The following USP15 variants were observed in gnomAD, a reference collection of about 807,000 sequenced individuals.
USP15 encodes the protein ubiquitin carboxyl-terminal hydrolase 15.
Under a neutral mutation model 127.1 loss-of-function variants are expected in USP15, and 18 were observed. The ratio of observed to expected loss-of-function variants is 0.14; its 90% CI spans 0.10 to 0.21. USP15 has a LOEUF of 0.21. Ranked by LOEUF, USP15 falls within the 10% of genes least tolerant of loss-of-function variation. USP15 has a pLI of 1.00. For missense variants in USP15, 805 were observed against 1,159.9 expected (o/e 0.69, Z 4.44); for synonymous variants, 364 against 393.7 (o/e 0.92, Z 0.89).
intron 7 of USP15, among the ~76,000 whole-genome samples, 197 bp downstream of exon 7, chr12:62,349,504 T>A (rs924872335): frequency 2.0e-5 from 3 of 152,034 alleles, no homozygotes; most frequent in African/African-American, 7.2e-5. Context: ...ATACATATAC[T>A]GAAAGAAATA....
In USP15 at chr12:62,410,628, C is replaced by T. The variant is rs1308280109; in HGVS notation, c.*6253C>T. 6.6e-6 allele frequency: 1 copy of T among 152,118 alleles called. No individual in the cohort carries two copies. The highest frequency in any genetic ancestry group is 1.5e-5 in the Non-Finnish European group (1 of 68,018). The allele number at this position is 152,118 out of a possible 1,614,324, so 9.4% of individuals were successfully genotyped here. ...GAGATATGGTAGGAAACATTCTACA[C>T]TTACAACAACTTCCACCATAGCTAG... is the stretch of plus-strand genomic sequence containing the variant. On this transcript the variant is annotated 3_prime_UTR_variant, in exon 22 of 22. Transcript: ENST00000280377.
chr12:62,332,120 C>T lies in USP15; in HGVS notation c.683+6187C>T, dbSNP rs145389979. Among the ~76,000 whole-genome samples the T allele has an allele frequency of 9.3e-5, 14 of 151,156 alleles. No homozygotes were observed. The East Asian group carries it at 2.3e-3, about 25-fold the overall frequency. On this transcript the variant is annotated intron_variant, in intron 6 of 21. Coordinates refer to ENST00000280377, the MANE Select transcript of USP15 (RefSeq NM_001252078.2). ...TGAAGGTTGCAGTGAGCTGAGATCG[C>T]GCCAGTGCACTCCACTTTGGGTAGC...
Position 62,322,953 on chromosome 12 carries a change from C to T in USP15, c.621+1344C>T, listed in dbSNP as rs996048970. On this transcript the variant is annotated intron_variant, in intron 5 of 21. Coordinates refer to ENST00000280377, the MANE Select transcript of USP15 (RefSeq NM_001252078.2). ...CTGATGATGTAAACGTCTTTGGAGT[C>T]CCTGTATTCATCCAGCAAAAAGTCC... 2.0e-5 allele frequency among the ~76,000 whole-genome samples: 3 copies of T among 152,154 alleles called. No individual in the cohort carries two copies. In the East Asian group the frequency reaches 5.8e-4, roughly 29 times the overall value.
chr12:62,304,649 A>G (rs1230838478), intron 3 of USP15: 1 of 444,684 alleles, frequency 2.2e-6, no homozygotes, highest in Non-Finnish European at 4.5e-6. Flanking sequence ...TACCTCAAAG[A>G]TCTCTAAAAT....
intron 6 of USP15, among the ~76,000 whole-genome samples, chr12:62,341,416 T>C (rs1019586191): frequency 6.6e-6 from 1 of 152,224 alleles, no homozygotes; most frequent in Non-Finnish European, 1.5e-5. Flanking sequence ...TTTGATCCAG[T>C]CATCATGATG....
intron 17 of USP15, 74 bp downstream of exon 17, chr12:62,391,960 TTG>T: frequency 7.3e-7 from 1 of 1,364,654 alleles, no homozygotes; most frequent in Non-Finnish European, 1.0e-6. Flanking sequence ...AATCATACTG[TTG>T]TGTTACACTC....
intron 6 of USP15, among the ~76,000 whole-genome samples, chr12:62,343,866 A>AT (rs1295973075): frequency 6.6e-6 from 1 of 152,104 alleles, no homozygotes; most frequent in Admixed American, 6.5e-5. Flanking sequence ...CGAAACTGCC[A>AT]TTTTTAAAAC....
intron 17 of USP15, 60 bp downstream of exon 17, chr12:62,391,946 A>T: frequency 1.4e-6 from 2 of 1,402,092 alleles, no homozygotes; most frequent in Non-Finnish European, 2.0e-6. Flanking sequence ...TGATTACCAG[A>T]GATAATCATA....
At chr12:62,391,541 CT>C (rs1190730506) in intron 16 of USP15, 112 bp downstream of exon 16, 2 of 1,360,098 alleles carry the variant, frequency 1.5e-6, no homozygotes, top group Non-Finnish European at 2.0e-6. Flanking sequence ...ATTTACTTTT[CT>C]ATCTCAAATT....
intron 1 of USP15, among the ~76,000 whole-genome samples, chr12:62,286,309 C>T (rs745451240): frequency 2.0e-5 from 3 of 152,078 alleles, no homozygotes; most frequent in Non-Finnish European, 4.4e-5. Flanking sequence ...CAGAGAAATA[C>T]AAATCAAAAC....
chr12:62,336,817 T>G (rs2065482064), intron 6 of USP15: 1 of 152,426 alleles, frequency 6.6e-6, no homozygotes, highest in Admixed American at 6.5e-5. Context: ...TGAAGCAAAA[T>G]CAGCCTCACA....
intron 3 of USP15, chr12:62,306,163 T>C (rs1256263961): frequency 1.3e-5 from 2 of 152,162 alleles, no homozygotes; most frequent in Admixed American, 1.3e-4. Flanking sequence ...CTACACCAAA[T>C]CAACCCAGTT....
rs1235576616 is a variant in USP15 at position 62,415,963 on chromosome 12, C to G, written c.*11588C>G. ...AGCTCTCTGTTCAATACGATTCATA[C>G]TCAAGTTCTAATAAACTTTCTTTAG... On this transcript the variant is annotated 3_prime_UTR_variant, in exon 22 of 22. Transcript: ENST00000280377. 2.0e-5 allele frequency: 3 copies of G among 152,210 alleles called. No individual in the cohort carries two copies. The highest frequency in any genetic ancestry group is 7.2e-5 in the African/African-American group (3 of 41,450). The allele number at this position is 152,210 out of a possible 1,614,324, so 9.4% of individuals were successfully genotyped here. A position where few individuals can be genotyped will look rare whatever the true frequency, so the allele number is the denominator to read the frequency against.
chr12:62,349,407 A>G (rs971964590), intron 7 of USP15, 100 bp downstream of exon 7: 16 of 706,742 alleles, frequency 2.3e-5, no homozygotes, highest in South Asian at 4.5e-5. Flanking sequence ...GTCTTAATGC[A>G]TTAAAATTGG....
At chr12:62,381,299 T>G (rs567886882) in intron 8 of USP15, among the ~76,000 whole-genome samples, 191 bp from the exon 9 acceptor site, 7 of 152,066 alleles carry the variant, frequency 4.6e-5, no homozygotes, top group South Asian at 2.1e-4. Flanking sequence ...GTAATTATTT[T>G]GAAATTTGGG....
chr12:62,276,107 G>T lies in USP15; in HGVS notation c.89+15604G>T, dbSNP rs2063482961. ...ATGTAAGAATCGTGTGTAATGACCAGGTATGAGGCACCCTCATAAAATTCC... is the reference window on the plus strand; with the variant it reads ...ATGTAAGAATCGTGTGTAATGACCATGTATGAGGCACCCTCATAAAATTCC... On this transcript the variant is annotated intron_variant, in intron 1 of 21. Coordinates refer to ENST00000280377, the MANE Select transcript of USP15 (RefSeq NM_001252078.2). Among the ~76,000 whole-genome samples the T allele has an allele frequency of 2.6e-5, 4 of 152,156 alleles. No individual in the cohort carries two copies. In the South Asian group the frequency reaches 8.3e-4, roughly 32 times the overall value.
intron 6 of USP15, among the ~76,000 whole-genome samples, chr12:62,342,486 T>G (rs1178090680): frequency 2.0e-5 from 3 of 152,150 alleles, no homozygotes; most frequent in Admixed American, 1.3e-4. Context: ...AGAAGAAGCA[T>G]TCTGGCTTTT....
chr12:62,302,939 T>G lies in USP15; in HGVS notation c.348+19T>G. 6.3e-7 allele frequency: 1 copy of G among 1,598,706 alleles called. No individual in the cohort carries two copies. The highest frequency in any genetic ancestry group is 8.5e-7 in the Non-Finnish European group (1 of 1,171,944). On this transcript the variant is annotated intron_variant, in intron 3 of 21. Transcript: ENST00000280377. ...ACGAAAGGTACATTTTAATAATAAC[T>G]GACTATAAATATTATTTTTCTTGAT...
intron 6 of USP15, among the ~76,000 whole-genome samples, chr12:62,345,194 A>G (rs1465511204): frequency 1.3e-5 from 2 of 152,006 alleles, no homozygotes; most frequent in African/African-American, 4.8e-5. Context: ...AGCAGCACCC[A>G]AGTCACATCC....
Sources: allele counts gnomAD v4.1 joint callset (sites outside exome capture counted in the v4.1 genomes callset), GRCh38; gene constraint gnomAD v4.1.1; transcripts MANE v1.5; gene names NCBI Gene and HGNC (gene_info 2026-07-23, HGNC 2026-07-21).